ARB2A: variants seen among roughly 807,000 people sequenced by gnomAD.
ARB2A encodes the protein cotranscriptional regulator ARB2A.
At chr5:94,099,493 G>A in the ARB2A span, among the ~76,000 whole-genome samples, 1 of 151,574 alleles carries the variant, frequency 6.6e-6, no homozygotes, top group Non-Finnish European at 1.5e-5. Context: ...GCATGGTGGT[G>A]GGCGCCTGTG....
the ARB2A span, among the ~76,000 whole-genome samples, chr5:93,912,743 C>CT: frequency 2.0e-5 from 3 of 151,734 alleles, no homozygotes; most frequent in Admixed American, 2.0e-4. Flanking sequence ...TTTCAAGTGC[C>CT]TCACAAGAAT....
the ARB2A span, among the ~76,000 whole-genome samples, chr5:94,003,968 G>T: frequency 2.6e-5 from 4 of 152,176 alleles, no homozygotes; most frequent in Non-Finnish European, 4.4e-5. Flanking sequence ...TCAAAACTAT[G>T]TGGTACTGGT....
At chr5:93,897,708 A>G in the ARB2A span, among the ~76,000 whole-genome samples, 1 of 151,934 alleles carries the variant, frequency 6.6e-6, no homozygotes, top group Non-Finnish European at 1.5e-5. Context: ...TTATTGAGGT[A>G]CTACCAAATC....
chr5:93,972,164 T>C, the ARB2A span, among the ~76,000 whole-genome samples: 1 of 151,666 alleles, frequency 6.6e-6, no homozygotes, highest in Admixed American at 6.6e-5. Context: ...TGGGGGAGGG[T>C]GCTTTTCATG....
At chr5:93,674,768 C>T in the ARB2A span, among the ~76,000 whole-genome samples, 1 of 152,098 alleles carries the variant, frequency 6.6e-6, no homozygotes, top group African/African-American at 2.4e-5. Flanking sequence ...TATTTTTTTA[C>T]AAACTGTGTG....
At chr5:93,989,972 T>C in the ARB2A span, among the ~76,000 whole-genome samples, 5 of 152,142 alleles carry the variant, frequency 3.3e-5, no homozygotes, top group Non-Finnish European at 7.4e-5. Context: ...CATGTTTGAA[T>C]GACTTTGTGC....
chr5:93,677,081 A>T, the ARB2A span, among the ~76,000 whole-genome samples: 1 of 152,188 alleles, frequency 6.6e-6, no homozygotes, highest in Admixed American at 6.5e-5. Flanking sequence ...AATTATGATG[A>T]CCTGCAATGA....
the ARB2A span, among the ~76,000 whole-genome samples, chr5:94,090,711 TTTA>T: frequency 2.6e-5 from 4 of 152,168 alleles, no homozygotes; most frequent in African/African-American, 9.7e-5. Flanking sequence ...CAATACCTAG[TTTA>T]TTGAGAGTTT....
chr5:93,971,132 G>T, the ARB2A span, among the ~76,000 whole-genome samples: 12 of 151,914 alleles, frequency 7.9e-5, no homozygotes, highest in African/African-American at 2.7e-4. Flanking sequence ...CCGAGTAGCT[G>T]GGATTACAGG....
chr5:94,052,199 C>T, the ARB2A span, among the ~76,000 whole-genome samples: 1 of 152,180 alleles, frequency 6.6e-6, no homozygotes, highest in Non-Finnish European at 1.5e-5. Context: ...CTGGACATGA[C>T]TTTTTCCCCA....
the ARB2A span, chr5:94,053,072 T>TATAGATAG: frequency 0.07 from 44,571 of 637,354 alleles, 1,559 homozygotes; most frequent in East Asian, 0.092. Flanking sequence ...TTGCATATAC[T>TATAGATAG]ATAGATAGAT....
chr5:93,830,313 A>ATGTG, the ARB2A span, among the ~76,000 whole-genome samples: 3,244 of 51,294 alleles, frequency 0.063, 255 homozygotes, highest in Non-Finnish European at 0.063. Context: ...GTGTGTGTGT[A>ATGTG]TATATATATA....
At chr5:93,978,972 C>T in the ARB2A span, among the ~76,000 whole-genome samples, 4 of 151,890 alleles carry the variant, frequency 2.6e-5, no homozygotes, top group African/African-American at 9.7e-5. Flanking sequence ...TTATGGTTAG[C>T]AATAATGTAC....
At chr5:93,846,887 C>T in the ARB2A span, among the ~76,000 whole-genome samples, 6 of 152,050 alleles carry the variant, frequency 3.9e-5, no homozygotes, top group Admixed American at 6.6e-5. Context: ...AATAAGACAA[C>T]GATATTTGCC....
chr5:93,953,931 A>C, the ARB2A span, among the ~76,000 whole-genome samples: 1 of 152,142 alleles, frequency 6.6e-6, no homozygotes, highest in African/African-American at 2.4e-5. Context: ...TGGCAAGTAC[A>C]GTCTGGCTAC....
At chr5:93,824,046 CT>C in the ARB2A span, 3,185 of 970,384 alleles carry the variant, frequency 3.3e-3, 73 homozygotes, top group African/African-American at 0.048. Context: ...TATTTTCCTT[CT>C]TTATAACATA....
chr5:94,047,147 G>GT, the ARB2A span, among the ~76,000 whole-genome samples: 4 of 152,088 alleles, frequency 2.6e-5, no homozygotes, highest in African/African-American at 9.7e-5. Flanking sequence ...AAAAATGTTG[G>GT]TACTTAAAGC....
the ARB2A span, chr5:93,824,335 A>C: frequency 3.5e-6 from 4 of 1,158,206 alleles, no homozygotes; most frequent in Non-Finnish European, 4.8e-6. Context: ...ACAACAATTA[A>C]ATTATATGCT....
chr5:94,094,427 T>C, the ARB2A span, among the ~76,000 whole-genome samples: 2 of 152,186 alleles, frequency 1.3e-5, no homozygotes, highest in Non-Finnish European at 2.9e-5. Context: ...TAACCTTAAT[T>C]ACTTGCTTAC....
Sources: gnomAD v4.1 joint callset for allele counts (sites outside exome capture counted in the v4.1 genomes callset) on GRCh38, gnomAD v4.1.1 for gene constraint, MANE v1.5 for transcripts, NCBI Gene and HGNC (gene_info 2026-07-23, HGNC 2026-07-21) for gene names.